Variants in EML5 observed in about 807,000 individuals in gnomAD.
EML5 encodes echinoderm microtubule-associated protein-like 5.
Under a neutral mutation model 250.0 loss-of-function variants are expected in EML5, and 120 were observed. The ratio of observed to expected loss-of-function variants is 0.48; its 90% CI spans 0.41 to 0.56. EML5 has a LOEUF of 0.56. Among genes scored for constraint, EML5 ranks in the 20% least tolerant of loss-of-function variants. The probability of loss-of-function intolerance (pLI) is 0.00; values close to 1 mark genes in which losing one functional copy is unlikely to be tolerated. For synonymous variants in EML5, 771 were observed against 806.5 expected, an observed-to-expected ratio of 0.96 and a Z score of 0.75; for missense variants, 2,006 against 2,437.6, an observed-to-expected ratio of 0.82 and a Z score of 3.73.
At chr14:88,784,731 G>C (rs1174623501) in intron 1 of EML5, among the ~76,000 whole-genome samples, 3 of 152,104 alleles carry the variant, frequency 2.0e-5, no homozygotes, top group Admixed American at 6.6e-5. Context: ...ACAAATGCTG[G>C]AAAGGATGTG....
At chr14:88,708,658 C>T (rs2093356659) in intron 10 of EML5, among the ~76,000 whole-genome samples, 1 of 151,974 alleles carries the variant, frequency 6.6e-6, no homozygotes, top group African/African-American at 2.4e-5. Context: ...GTTTGATGTG[C>T]CTTAAAGAAT....
At chr14:88,746,054 A>G (rs1346077011) in intron 3 of EML5, 131 bp downstream of exon 3, 5 of 648,740 alleles carry the variant, frequency 7.7e-6, no homozygotes, top group Non-Finnish European at 1.3e-5. Context: ...ACAATTATTT[A>G]CCAATTGTAA....
At chr14:88,688,174 T>C (rs1822254294) in intron 18 of EML5, 97 bp downstream of exon 18, 2 of 1,231,250 alleles carry the variant, frequency 1.6e-6, no homozygotes, top group Admixed American at 1.7e-5. Context: ...TGCTGGATAG[T>C]CCAGGCAAGT....
At chr14:88,669,300 C>T (rs1302114961) in intron 21 of EML5, among the ~76,000 whole-genome samples, 6 of 152,172 alleles carry the variant, frequency 3.9e-5, no homozygotes, top group African/African-American at 1.2e-4. Context: ...GGGGAAGGGA[C>T]GGCTGTCATC....
At chr14:88,626,643 C>T (rs1278480926) in intron 35 of EML5, 195 bp downstream of exon 35, 2 of 624,262 alleles carry the variant, frequency 3.2e-6, no homozygotes, top group Non-Finnish European at 5.4e-6. Context: ...CCTTTTCCCC[C>T]TCTCATTAAC....
chr14:88,661,552 A>G (rs533104592), intron 25 of EML5, 102 bp downstream of exon 25: 3 of 1,027,108 alleles, frequency 2.9e-6, no homozygotes, highest in South Asian at 3.7e-5. Context: ...AACATTACAT[A>G]TTACATATGT....
In EML5 at chr14:88,618,210, G is replaced by A. The variant is rs1021380874; in HGVS notation, c.5642+18C>T. 1.9e-6 allele frequency: 3 copies of A among 1,605,758 alleles called. No individual in the cohort carries two copies. The highest frequency in any genetic ancestry group is 1.7e-5 in the Admixed American group (1 of 59,972). The stretch of plus-strand genomic sequence containing the variant: ...CCTTCAAAGTCAGTTCTTGCCTTGT[G>A]AATATATAAGTATTTACCTAGTCCA... On this transcript the variant is annotated intron_variant, in intron 41 of 43. Coordinates refer to ENST00000554922, the MANE Select transcript of EML5 (RefSeq NM_183387.3).
At chr14:88,725,713 G>A (rs1484533232) in intron 8 of EML5, among the ~76,000 whole-genome samples, 1 of 152,184 alleles carries the variant, frequency 6.6e-6, no homozygotes, top group Admixed American at 6.5e-5. Context: ...AAGGTCTTGA[G>A]GGAAACCAAA....
chr14:88,784,012 C>T (rs1180184140), intron 1 of EML5, among the ~76,000 whole-genome samples: 1 of 152,042 alleles, frequency 6.6e-6, no homozygotes, highest in African/African-American at 2.4e-5. Flanking sequence ...AAGAGGAATA[C>T]AAATACGTGG....
intron 14 of EML5, among the ~76,000 whole-genome samples, chr14:88,700,687 C>T (rs1459531955): frequency 1.3e-5 from 2 of 152,048 alleles, no homozygotes; most frequent in Non-Finnish European, 2.9e-5. Flanking sequence ...TGGAATGAGG[C>T]AAATACCCAC....
chr14:88,746,344 G>C (rs2094004300), intron 2 of EML5, 61 bp from the exon 3 acceptor site: 35 of 1,368,418 alleles, frequency 2.6e-5, no homozygotes, highest in Non-Finnish European at 3.5e-5. Flanking sequence ...AAGAGAAACT[G>C]AATTACAAAT....
intron 1 of EML5, among the ~76,000 whole-genome samples, chr14:88,763,140 A>T (rs1595817210): frequency 6.6e-6 from 1 of 152,164 alleles, no homozygotes; most frequent in African/African-American, 2.4e-5. Flanking sequence ...CTAGCAGAAG[A>T]CAAGAAATAA....
rs150792678 is a variant in EML5 at position 88,698,813 on chromosome 14, T to G, written c.2239-1861A>C. Among the ~76,000 whole-genome samples the G allele has an allele frequency of 1.1e-3, 164 of 152,252 alleles. 3 individuals carry two copies. The East Asian group carries it at 0.025, about 23-fold the overall frequency. ...TCTACTGGACATCTCACCTGGAAAT[T>G]ATGATGATGACTAACACTCACTGAG... On this transcript the variant is annotated intron_variant, in intron 14 of 43. Transcript: ENST00000554922.
chr14:88,730,308 T>C (rs2093735331), intron 7 of EML5, among the ~76,000 whole-genome samples: 1 of 152,162 alleles, frequency 6.6e-6, no homozygotes, highest in African/African-American at 2.4e-5. Context: ...TTAGAAAATT[T>C]AAAACAGAAT....
chr14:88,654,970 G>A (rs775359142), intron 27 of EML5, among the ~76,000 whole-genome samples: 8 of 152,072 alleles, frequency 5.3e-5, no homozygotes, highest in Admixed American at 1.3e-4. Context: ...TGTATTGGGT[G>A]CATATATATT....
intron 1 of EML5, among the ~76,000 whole-genome samples, chr14:88,769,009 C>T (rs937056761): frequency 2.0e-5 from 3 of 152,130 alleles, no homozygotes; most frequent in Admixed American, 1.3e-4. Context: ...AATATCATCT[C>T]CGAAGGGGCA....
Position 88,644,500 on chromosome 14 carries a change from C to T in EML5, c.4040G>A (p.Ser1347Asn). Residue 1347 changes from serine (S) to asparagine (N), a missense_variant, in exon 30 of 44, where the codon AGC becomes AAC. By Grantham distance (46) the Ser-to-Asn change is conservative. Transcript: ENST00000554922. ...TTTCTCTGGCTGTGGTGGGGCCCTG[C>T]TCACTGGAGGCCTGCAACAGAGAAG... ...GVVRGSRPPVSRAPPQPEKLQ... is the reference protein window; with the variant it reads ...GVVRGSRPPVNRAPPQPEKLQ... 1 of 1,613,702 alleles carries T rather than the reference C, an allele frequency of 6.2e-7. No homozygotes were observed. The highest frequency in any genetic ancestry group is 8.5e-7 in the Non-Finnish European group (1 of 1,179,768).
intron 6 of EML5, among the ~76,000 whole-genome samples, chr14:88,737,894 TTA>T (rs2093868531): frequency 6.6e-6 from 1 of 152,180 alleles, no homozygotes; most frequent in African/African-American, 2.4e-5. Context: ...TCTTTTCCTT[TTA>T]ATAATCTTTT....
At position 88,714,318 on chromosome 14, in the gene EML5, T is replaced by C. The variant is rs142944625; in HGVS notation, c.1444+621A>G. Among the ~76,000 whole-genome samples the C allele has an allele frequency of 3.0e-3, 461 of 152,304 alleles. 1 individual carries two copies. The highest frequency in any genetic ancestry group is 0.01 in the African/African-American group (429 of 41,554). On this transcript the variant is annotated intron_variant, in intron 9 of 43. Coordinates refer to ENST00000554922, the MANE Select transcript of EML5 (RefSeq NM_183387.3). The stretch of plus-strand genomic sequence containing the variant: ...TAAAAAGAGAATCTGTTTTAGATCC[T>C]CCAGCCAAAGCAGTTTTAATTAAGA...
Sources: gnomAD v4.1 joint callset for allele counts (sites outside exome capture counted in the v4.1 genomes callset) on GRCh38, gnomAD v4.1.1 for gene constraint, MANE v1.5 for transcripts, NCBI Gene and HGNC (gene_info 2026-07-23, HGNC 2026-07-21) for gene names.